FHIT: variants seen among roughly 807,000 people sequenced by gnomAD.
FHIT encodes bis(5'-adenosyl)-triphosphatase.
A neutral mutation model predicts 17.9 loss-of-function variants in FHIT; 19 were observed. The ratio of observed to expected loss-of-function variants is 1.06; its 90% confidence interval spans 0.74 to 1.56. The LOEUF (loss-of-function observed/expected upper bound fraction) is 1.56, where lower values mean the gene tolerates loss of function less well. Among genes scored for constraint, FHIT ranks in the 40% most tolerant of loss-of-function variants. The pLI is 0.00. For missense variants in FHIT, 248 were observed against 189.2 expected, an observed-to-expected ratio of 1.31 and a Z score of -1.82; for synonymous variants, 81 against 69.7, an observed-to-expected ratio of 1.16 and a Z score of -0.81.
At position 60,283,456 on chromosome 3, in the gene FHIT, A is replaced by G. The variant is rs139605461; in HGVS notation, c.103+253404T>C. Among the ~76,000 whole-genome samples, 1,008 of 152,222 alleles carry G rather than the reference A, an allele frequency of 6.6e-3. 8 individuals are homozygous for G. The highest frequency in any genetic ancestry group is 0.023 in the African/African-American group (960 of 41,552). On this transcript the variant is annotated intron_variant, in intron 5 of 9. Transcript: ENST00000492590. ...TTATCCTTCTAAAATATGTAATTCA[A>G]TGCTTTTCAGTATATTCAGAAAAAC...
chr3:60,644,331 T>C (rs1476030148), intron 4 of FHIT, among the ~76,000 whole-genome samples: 2 of 152,212 alleles, frequency 1.3e-5, no homozygotes, highest in African/African-American at 2.4e-5. Flanking sequence ...AAAACAGTAA[T>C]ACAAGCATGT....
chr3:59,759,806 G>A (rs1701414127), intron 8 of FHIT, among the ~76,000 whole-genome samples: 2 of 152,096 alleles, frequency 1.3e-5, no homozygotes, highest in African/African-American at 4.8e-5. Context: ...TTTCTTGGTG[G>A]CCCAATGAAT....
chr3:61,200,147 G>C (rs2038970075), intron 2 of FHIT, among the ~76,000 whole-genome samples: 1 of 152,140 alleles, frequency 6.6e-6, no homozygotes, highest in South Asian at 2.1e-4. Context: ...AAATTCAGTG[G>C]CTCTTTTCTT....
At chr3:59,978,513 T>C (rs572312991) in intron 7 of FHIT, among the ~76,000 whole-genome samples, 1 of 151,834 alleles carries the variant, frequency 6.6e-6, no homozygotes, top group East Asian at 2.0e-4. Flanking sequence ...GCTGGAATAG[T>C]TAAACAGCCA....
intron 4 of FHIT, among the ~76,000 whole-genome samples, chr3:60,694,808 G>C (rs1486266360): frequency 6.6e-6 from 1 of 151,922 alleles, no homozygotes; most frequent in Non-Finnish European, 1.5e-5. Context: ...GCAAACTATG[G>C]CAAGGACAAA....
intron 5 of FHIT, among the ~76,000 whole-genome samples, chr3:60,418,257 T>C (rs576992065): frequency 6.6e-6 from 1 of 151,598 alleles, no homozygotes; most frequent in East Asian, 1.9e-4. Context: ...GCTTTTTGTC[T>C]ACTCATTTTT....
chr3:60,696,164 A>AT (rs1222300525), intron 4 of FHIT, among the ~76,000 whole-genome samples: 3 of 152,192 alleles, frequency 2.0e-5, no homozygotes, highest in Non-Finnish European at 4.4e-5. Flanking sequence ...CCATGGCTCT[A>AT]TATGTATGAG....
chr3:60,292,599 A>G (rs1012061145), intron 5 of FHIT, among the ~76,000 whole-genome samples: 2 of 152,210 alleles, frequency 1.3e-5, no homozygotes, highest in Non-Finnish European at 2.9e-5. Flanking sequence ...TGAAACAGCC[A>G]TATTATTCTA....
chr3:60,934,618 T>TA (rs2107382972), intron 3 of FHIT, among the ~76,000 whole-genome samples: 1 of 152,340 alleles, frequency 6.6e-6, no homozygotes, highest in East Asian at 1.9e-4. Context: ...CTTTATGAGG[T>TA]AGCTATTATT....
intron 4 of FHIT, among the ~76,000 whole-genome samples, chr3:60,713,373 A>G (rs1211928991): frequency 2.0e-5 from 3 of 151,150 alleles, no homozygotes; most frequent in South Asian, 2.1e-4. Flanking sequence ...AAGAACTAGA[A>G]AAGCAAGAGC....
At chr3:60,692,116 T>C (rs1553699658) in intron 4 of FHIT, among the ~76,000 whole-genome samples, 2 of 152,206 alleles carry the variant, frequency 1.3e-5, no homozygotes, top group Non-Finnish European at 1.5e-5. Context: ...CCACCTAGCA[T>C]ACCTGTTGGG....
intron 3 of FHIT, among the ~76,000 whole-genome samples, chr3:61,023,982 A>T (rs2032598584): frequency 6.6e-6 from 1 of 152,198 alleles, no homozygotes; most frequent in Non-Finnish European, 1.5e-5. Flanking sequence ...TGGCAACAAA[A>T]GCCAAAATTG....
At chr3:60,194,392 G>A (rs930031934) in intron 5 of FHIT, among the ~76,000 whole-genome samples, 3 of 152,070 alleles carry the variant, frequency 2.0e-5, no homozygotes, top group African/African-American at 7.2e-5. Flanking sequence ...CCATGTAGAA[G>A]AATTAAACGG....
intron 7 of FHIT, among the ~76,000 whole-genome samples, chr3:59,979,356 T>G (rs546419685): frequency 5.3e-4 from 81 of 152,166 alleles, no homozygotes; most frequent in Non-Finnish European, 8.8e-4. Context: ...TTGCCCTCAT[T>G]GCTTTCTTAT....
At chr3:61,115,604 G>A (rs1340112399) in intron 2 of FHIT, among the ~76,000 whole-genome samples, 3 of 152,180 alleles carry the variant, frequency 2.0e-5, no homozygotes, top group Admixed American at 2.0e-4. Flanking sequence ...CTGAGGGTGT[G>A]GCAGGTAGCC....
At chr3:59,969,479 C>G (rs1402817076) in intron 7 of FHIT, among the ~76,000 whole-genome samples, 1 of 152,040 alleles carries the variant, frequency 6.6e-6, no homozygotes, top group Non-Finnish European at 1.5e-5. Flanking sequence ...GAATTTCACC[C>G]CAACCTCTGC....
At chr3:59,910,984 G>A (rs942952250) in intron 8 of FHIT, among the ~76,000 whole-genome samples, 1 of 152,090 alleles carries the variant, frequency 6.6e-6, no homozygotes, top group Admixed American at 6.6e-5. Flanking sequence ...ATAAAAACAG[G>A]CAAGACTAGA....
chr3:60,078,627 T>TTTA (rs1316664032), intron 5 of FHIT, among the ~76,000 whole-genome samples: 1 of 152,146 alleles, frequency 6.6e-6, no homozygotes, highest in Non-Finnish European at 1.5e-5. Context: ...CAGAAATAGC[T>TTTA]TTATATCAAG....
chr3:60,839,289 A>G (rs992590208), intron 3 of FHIT, among the ~76,000 whole-genome samples: 1 of 152,110 alleles, frequency 6.6e-6, no homozygotes. Context: ...TAGTTTATGG[A>G]CTGGTAGGAT....
Sources: gnomAD v4.1 joint callset for allele counts (sites outside exome capture counted in the v4.1 genomes callset) on GRCh38, gnomAD v4.1.1 for gene constraint, MANE v1.5 for transcripts, NCBI Gene and HGNC (gene_info 2026-07-23, HGNC 2026-07-21) for gene names.